BCORL1: variants seen among roughly 807,000 people sequenced by gnomAD.
BCORL1 encodes the protein BCL-6 corepressor-like protein 1.
A neutral mutation model predicts 87.6 loss-of-function variants in BCORL1; 7 were observed. That is an observed-to-expected ratio of 0.08 (90% CI 0.05 to 0.15). The LOEUF is 0.15. Ranked by LOEUF, BCORL1 falls within the 10% of genes least tolerant of loss-of-function variation. The pLI, the probability that BCORL1 is intolerant of heterozygous loss-of-function variation, is 1.00. For missense variants in BCORL1, 1,215 were observed against 1,499.7 expected, an observed-to-expected ratio of 0.81 and a Z score of 3.13; for synonymous variants, 591 against 634.4, an observed-to-expected ratio of 0.93 and a Z score of 1.03.
At chrX:129,989,548 C>T (rs1215075345) in intron 1 of BCORL1, among the ~76,000 whole-genome samples, 2 of 88,762 alleles carry the variant, frequency 2.3e-5, no homozygotes, top group African/African-American at 8.6e-5. Flanking sequence ...CTCACTGCAA[C>T]CTCCGTCTCC....
chrX:130,005,922 G>A (rs1009245437), intron 2 of BCORL1, among the ~76,000 whole-genome samples: 2 of 110,983 alleles, frequency 1.8e-5, no homozygotes, highest in Non-Finnish European at 3.8e-5. Context: ...CACTGCCCAT[G>A]CCTGGCCAGC....
chrX:130,043,771 TATATATATATATA>T (rs1379174212), intron 11 of BCORL1, among the ~76,000 whole-genome samples: 10 of 21,582 alleles, frequency 4.6e-4, no homozygotes, highest in South Asian at 3.2e-3. Context: ...TATATATATA[TATATATATATATA>T]TTTTTTTTTT....
chrX:130,019,745 G>A (rs1046283370), intron 4 of BCORL1, among the ~76,000 whole-genome samples: 10 of 111,972 alleles, frequency 8.9e-5, no homozygotes, highest in African/African-American at 2.6e-4. Flanking sequence ...TCTAGCAGGC[G>A]AGGCATGGGT....
intron 1 of BCORL1, among the ~76,000 whole-genome samples, chrX:129,989,444 CTTT>C (rs55654985): frequency 1.7e-4 from 3 of 17,774 alleles, no homozygotes; most frequent in Admixed American, 9.4e-4. Context: ...CCGCACCCGT[CTTT>C]TTTTTTTTTT....
chrX:130,051,932 C>T lies in BCORL1; in HGVS notation c.4991C>T (p.Pro1664Leu), dbSNP rs1273371182. Residue 1664 changes from proline (P) to leucine (L), a missense_variant, in exon 13 of 14, where the codon CCG becomes CTG. Around this residue, in one of 5 missense-constraint regions of BCORL1, gnomAD observed 129 missense variants for 157.5 expected, o/e 0.82. Coordinates refer to ENST00000540052, the MANE Select transcript of BCORL1 (RefSeq NM_001379451.1). Reference protein sequence around the residue: ...PGSSDQEGDDPMEEDDFMFEL... With the variant: ...PGSSDQEGDDLMEEDDFMFEL... ...AGCTCAGATCAAGAAGGAGACGATC[C>T]GATGGAGGAGGATGATTTCATGTTT... The T allele has an allele frequency of 2.5e-6, 3 of 1,208,704 alleles. No homozygotes were observed. Among genetic ancestry groups the T allele is most frequent in the Admixed American group, 2.2e-5 (1 of 45,854 alleles).
chrX:129,983,784 G>C (rs1419840693), intron 1 of BCORL1, among the ~76,000 whole-genome samples: 1 of 110,081 alleles, frequency 9.1e-6, no homozygotes, highest in Non-Finnish European at 1.9e-5. Flanking sequence ...TACTAGCACC[G>C]GCAAGCCAGA....
intron 1 of BCORL1, among the ~76,000 whole-genome samples, chrX:129,995,570 A>T (rs1927506118): frequency 9.1e-6 from 1 of 110,487 alleles, no homozygotes; most frequent in Admixed American, 9.7e-5. Flanking sequence ...CCTCCCGAGT[A>T]GCTGGGATTA....
At chrX:130,023,456 T>C (rs1013043616) in intron 6 of BCORL1, among the ~76,000 whole-genome samples, 2 of 111,958 alleles carry the variant, frequency 1.8e-5, no homozygotes, top group East Asian at 5.6e-4. Context: ...TTGGTCAACC[T>C]CTAGGGACTA....
At position 130,055,932 on chromosome X, in the gene BCORL1, G is replaced by A. The variant is rs1445620231; in HGVS notation, c.5154G>A (p.Pro1718=). The stretch of plus-strand genomic sequence containing the variant: ...CGAGGATCTTTCAGGCCCGGTTCCC[G>A]CACTTTGAAATCACCACCATGCCCA... The part of the protein sequence containing the change: ...LSSRIFQARF[P]HFEITTMPKA... Residue 1718 remains proline, a synonymous_variant, in exon 14 of 14, where the codon CCG becomes CCA. Transcript: ENST00000540052. 2 of 1,212,057 alleles carry A rather than the reference G, an allele frequency of 1.7e-6. No individual in the cohort carries two copies. Among genetic ancestry groups the A allele is most frequent in the Non-Finnish European group, 2.2e-6 (2 of 895,535 alleles).
chrX:130,006,158 CAT>C (rs1491208585), intron 2 of BCORL1, among the ~76,000 whole-genome samples: 1 of 111,065 alleles, frequency 9.0e-6, no homozygotes, highest in Non-Finnish European at 1.9e-5. Flanking sequence ...GACCGCCTAG[CAT>C]AGTCTTGAGA....
chrX:129,999,874 A>G (rs1461325062), intron 1 of BCORL1, among the ~76,000 whole-genome samples: 1 of 109,649 alleles, frequency 9.1e-6, no homozygotes, highest in Admixed American at 9.8e-5. Flanking sequence ...GGGTTTCACC[A>G]TGTTGGCCAG....
chrX:130,045,521 T>C (rs1458101378), intron 11 of BCORL1, among the ~76,000 whole-genome samples: 2 of 111,365 alleles, frequency 1.8e-5, no homozygotes, highest in Admixed American at 9.6e-5. Context: ...GATCGGACCC[T>C]GAGGAGTAGA....
At chrX:129,982,512 A>C (rs1926193484), upstream of BCORL1, 1 of 100,184 alleles carries the variant, frequency 1.0e-5, no homozygotes, top group Non-Finnish European at 2.0e-5. Context: ...AGTCCGGTGG[A>C]GCGGGGGTTG....
At chrX:130,047,322 G>A (rs113683323) in intron 11 of BCORL1, among the ~76,000 whole-genome samples, 6,104 of 110,913 alleles carry the variant, frequency 0.055, 444 homozygotes, top group African/African-American at 0.19. Flanking sequence ...CGTGGCTGGG[G>A]TGGAGGGAAT....
At chrX:130,034,178 A>G (rs1452405681) in intron 8 of BCORL1, among the ~76,000 whole-genome samples, 1 of 111,345 alleles carries the variant, frequency 9.0e-6, no homozygotes, top group Non-Finnish European at 1.9e-5. Flanking sequence ...TCCTTGGTTT[A>G]TGGGGTTGAG....
At chrX:130,000,268 A>T (rs1927943621) in intron 1 of BCORL1, among the ~76,000 whole-genome samples, 1 of 109,690 alleles carries the variant, frequency 9.1e-6, no homozygotes, top group African/African-American at 3.3e-5. Context: ...GAACTCCTGG[A>T]CTCAAGCAAT....
In BCORL1 at chrX:130,047,238, G is replaced by GCATA. The variant is rs967058676; in HGVS notation, c.4841-3478_4841-3475dup. Among the ~76,000 whole-genome samples the GCATA allele has an allele frequency of 2.7e-5, 3 of 111,460 alleles. No individual in the cohort carries two copies. In the Admixed American group the frequency reaches 2.9e-4, roughly 11 times the overall value. On this transcript the variant is annotated intron_variant, in intron 11 of 13. Transcript: ENST00000540052. ...TGAGTATCCATTTTCGTTCTTTGGG[G>GCATA]CATATACCTAGGAGTGGAATTGCTG...
intron 2 of BCORL1, among the ~76,000 whole-genome samples, chrX:130,007,150 C>T (rs1928572231): frequency 8.9e-6 from 1 of 112,068 alleles, no homozygotes; most frequent in Non-Finnish European, 1.9e-5. Context: ...GAAGTATATA[C>T]TTGTCTGAGG....
At chrX:130,022,608 T>C (rs1487570424) in intron 5 of BCORL1, among the ~76,000 whole-genome samples, 1 of 111,343 alleles carries the variant, frequency 9.0e-6, no homozygotes, top group Non-Finnish European at 1.9e-5. Flanking sequence ...CCTACTTTCC[T>C]ACTTTCTGGC....
Sources: allele counts gnomAD v4.1 joint callset (sites outside exome capture counted in the v4.1 genomes callset), GRCh38; gene constraint gnomAD v4.1.1; regional missense constraint gnomAD v4.1.1; transcripts MANE v1.5; gene names NCBI Gene and HGNC (gene_info 2026-07-23, HGNC 2026-07-21).